The following PTBP3 variants were observed in gnomAD, a reference collection of about 807,000 sequenced individuals.
PTBP3 encodes polypyrimidine tract binding protein 3, also known as polypyrimidine tract-binding protein 3.
In PTBP3, 20 loss-of-function variants were observed where a neutral mutation model predicts 58.7. That is an observed-to-expected ratio of 0.34 (90% CI 0.24 to 0.50). PTBP3 has a LOEUF of 0.50. Among genes scored for constraint, PTBP3 ranks in the 20% least tolerant of loss-of-function variants. PTBP3 has a pLI of 0.98. For missense variants in PTBP3, 509 were observed against 637.2 expected, an observed-to-expected ratio of 0.80 and a Z score of 2.17; for synonymous variants, 185 against 219.8, an observed-to-expected ratio of 0.84 and a Z score of 1.40.
intron 1 of PTBP3, among the ~76,000 whole-genome samples, chr9:112,298,180 A>G (rs147942430): frequency 3.5e-4 from 53 of 152,330 alleles, no homozygotes; most frequent in African/African-American, 1.1e-3. Flanking sequence ...TTTCCAAAAC[A>G]TAACATCTGA....
chr9:112,328,070 A>G (rs1309756349), intron 1 of PTBP3, among the ~76,000 whole-genome samples: 4 of 152,202 alleles, frequency 2.6e-5, no homozygotes, highest in Non-Finnish European at 5.9e-5. Flanking sequence ...AGTATTTTCA[A>G]TTCTTTTTTT....
At chr9:112,288,877 C>T (rs7027044) in intron 2 of PTBP3, among the ~76,000 whole-genome samples, 129,077 of 152,042 alleles carry the variant, frequency 0.85, 55,201 homozygotes, top group African/African-American at 0.95. Context: ...TTTAAAGCAA[C>T]CCGCATTTCT....
rs1830480818 is a variant in PTBP3 at position 112,333,595 on chromosome 9, G to A, written c.-177C>T. ...GCGAGCTTTGGCTCTGCGGAGCCCC[G>A]GCCGGTCCGAGGTGGAAGGAGAGTG... is the stretch of plus-strand genomic sequence containing the variant. On this transcript the variant is annotated 5_prime_UTR_variant, in exon 1 of 14. Transcript: ENST00000374257. The A allele has an allele frequency of 3.1e-6, 4 of 1,297,140 alleles. No homozygotes were observed. The highest frequency in any genetic ancestry group is 2.7e-5 in the East Asian group (1 of 37,282). 80.4% of individuals were successfully genotyped at this position (1,297,140 alleles called of 1,614,324 possible).
chr9:112,316,013 C>G (rs1405843195), intron 1 of PTBP3, among the ~76,000 whole-genome samples: 1 of 152,182 alleles, frequency 6.6e-6, no homozygotes, highest in Non-Finnish European at 1.5e-5. Flanking sequence ...TAAAAAAGAT[C>G]TCCAGTCACA....
At chr9:112,374,138 G>T in the PTBP3 span, among the ~76,000 whole-genome samples, 3 of 152,240 alleles carry the variant, frequency 2.0e-5, no homozygotes, top group African/African-American at 7.2e-5. Context: ...GAATACTGTG[G>T]AGTAGTAGAC....
the PTBP3 span, chr9:112,363,081 C>A: frequency 1.1e-5 from 2 of 175,396 alleles, no homozygotes; most frequent in South Asian, 2.4e-4. Context: ...AGTCACCAGT[C>A]GCAATGCCAG....
chr9:112,376,244 T>C, the PTBP3 span, among the ~76,000 whole-genome samples: 1 of 122,514 alleles, frequency 8.2e-6, no homozygotes, highest in Non-Finnish European at 1.6e-5. Context: ...TGTAGGGGAG[T>C]TTATTAAGTT....
chr9:112,259,582 A>G (rs1362192597), intron 5 of PTBP3, among the ~76,000 whole-genome samples: 1 of 152,184 alleles, frequency 6.6e-6, no homozygotes, highest in Non-Finnish European at 1.5e-5. Flanking sequence ...CTCTGCTCAG[A>G]TATCATATTG....
intron 1 of PTBP3, among the ~76,000 whole-genome samples, chr9:112,317,527 T>A (rs1241799154): frequency 6.6e-6 from 1 of 152,200 alleles, no homozygotes; most frequent in East Asian, 1.9e-4. Flanking sequence ...AACCGAAAGC[T>A]GCTTTTCAAA....
At chr9:112,345,672 C>T in the PTBP3 span, among the ~76,000 whole-genome samples, 111 of 151,672 alleles carry the variant, frequency 7.3e-4, no homozygotes, top group African/African-American at 2.4e-3. Context: ...TAAGCCACAA[C>T]ACCTGGCCAA....
At chr9:112,342,393 A>C in the PTBP3 span, among the ~76,000 whole-genome samples, 1 of 152,208 alleles carries the variant, frequency 6.6e-6, no homozygotes, top group Non-Finnish European at 1.5e-5. Flanking sequence ...TCGTCTTCAC[A>C]GAAGCCTGAA....
chr9:112,241,077 G>A (rs1019291735), intron 7 of PTBP3, among the ~76,000 whole-genome samples: 1 of 151,816 alleles, frequency 6.6e-6, no homozygotes, highest in East Asian at 1.9e-4. Flanking sequence ...GTAAGCTAAG[G>A]TTATTTTATT....
At chr9:112,343,781 ACT>A in the PTBP3 span, among the ~76,000 whole-genome samples, 1 of 108,514 alleles carries the variant, frequency 9.2e-6, no homozygotes, top group Non-Finnish European at 1.8e-5. Flanking sequence ...ACAGAGCAAG[ACT>A]CTATCTCAAA....
At chr9:112,306,587 T>TA (rs1019750063) in intron 1 of PTBP3, among the ~76,000 whole-genome samples, 70 of 68,468 alleles carry the variant, frequency 1.0e-3, no homozygotes, top group African/African-American at 3.8e-3. Context: ...TTTAAATTTG[T>TA]ATATATATAT....
At chr9:112,236,852 G>A (rs928599557) in intron 7 of PTBP3, among the ~76,000 whole-genome samples, 3 of 152,072 alleles carry the variant, frequency 2.0e-5, no homozygotes, top group Non-Finnish European at 2.9e-5. Context: ...TCTCAAAAAG[G>A]AGTGGATCTT....
Position 112,291,052 on chromosome 9 carries a change from C to G in PTBP3, c.34+6780G>C, listed in dbSNP as rs1213105531. Among the ~76,000 whole-genome samples, 4 of 151,966 alleles carry G rather than the reference C, an allele frequency of 2.6e-5. No individual in the cohort carries two copies. In the East Asian group the frequency reaches 7.8e-4, roughly 29 times the overall value. On this transcript the variant is annotated intron_variant, in intron 2 of 13. Coordinates refer to ENST00000374257, the MANE Select transcript of PTBP3 (RefSeq NM_001163788.4). ...GCCTGGCCAACAAGGTGAAACCCCACTTCTACTAAAAATACAAAAATTAGC... is the reference window on the plus strand; with the variant it reads ...GCCTGGCCAACAAGGTGAAACCCCAGTTCTACTAAAAATACAAAAATTAGC...
At chr9:112,352,598 G>T in the PTBP3 span, among the ~76,000 whole-genome samples, 505 of 152,234 alleles carry the variant, frequency 3.3e-3, 1 homozygote, top group African/African-American at 0.011. Flanking sequence ...TTTTTCCGTG[G>T]TGCACCTAGG....
chr9:112,223,070 A>G lies in PTBP3; in HGVS notation c.*781T>C. The G allele has an allele frequency of 1.2e-6, 1 of 856,980 alleles. No individual in the cohort carries two copies. The highest frequency in any genetic ancestry group is 1.4e-6 in the Non-Finnish European group (1 of 712,766). The allele number at this position is 856,980 out of a possible 1,614,324, so 53.1% of individuals were successfully genotyped here. ...TCATATTACTTGACAAATAAGTGTC[A>G]TTTTGAAATTTAAAACATGATTTTT... On this transcript the variant is annotated 3_prime_UTR_variant, in exon 14 of 14. Coordinates refer to ENST00000374257, the MANE Select transcript of PTBP3 (RefSeq NM_001163788.4).
chr9:112,265,560 C>A (rs981858204), intron 4 of PTBP3, among the ~76,000 whole-genome samples: 2 of 151,928 alleles, frequency 1.3e-5, no homozygotes, highest in African/African-American at 4.8e-5. Context: ...AAAAATTAAG[C>A]CTTAGGGCAC....
Sources: gnomAD v4.1 joint callset for allele counts (sites outside exome capture counted in the v4.1 genomes callset) on GRCh38, gnomAD v4.1.1 for gene constraint, MANE v1.5 for transcripts, NCBI Gene and HGNC (gene_info 2026-07-23, HGNC 2026-07-21) for gene names.